Variants in EXT2 observed in about 807,000 individuals in gnomAD.
EXT2 encodes exostosin-2.
Under a neutral mutation model 81.6 loss-of-function variants are expected in EXT2, and 53 were observed. The observed-to-expected ratio is 0.65, with a 90% confidence interval of 0.52 to 0.82. The LOEUF (loss-of-function observed/expected upper bound fraction) is 0.82, where lower values mean the gene tolerates loss of function less well. EXT2 is among the 40% of genes least tolerant of loss of function. The pLI is 0.00. For missense variants in EXT2, 774 were observed against 910.2 expected, an observed-to-expected ratio of 0.85 and a Z score of 1.93; for synonymous variants, 320 against 340.0, an observed-to-expected ratio of 0.94 and a Z score of 0.65.
intron 4 of EXT2, among the ~76,000 whole-genome samples, chr11:44,117,805 G>A (rs977334439): frequency 6.6e-6 from 1 of 152,068 alleles, no homozygotes; most frequent in African/African-American, 2.4e-5. Flanking sequence ...TCACCCTGGA[G>A]TGCTGGATCG....
chr11:44,107,709 CATT>C lies in EXT2; in HGVS notation c.-1_2del, dbSNP rs762843055. The stretch of plus-strand genomic sequence containing the variant: ...AGTGTGAGGAAGAGGCTGTCTGTGT[CATT>C]ATGTGTGCGTCGGTCAAGTATAATA... On this transcript the variant is annotated 5_prime_UTR_variant, in exon 2 of 14. Coordinates refer to ENST00000533608, the MANE Select transcript of EXT2 (RefSeq NM_207122.2). The C allele has an allele frequency of 2.5e-6, 4 of 1,613,788 alleles. No individual in the cohort carries two copies.
chr11:44,200,671 A>T (rs1224623804), intron 9 of EXT2, among the ~76,000 whole-genome samples: 1 of 152,112 alleles, frequency 6.6e-6, no homozygotes, highest in African/African-American at 2.4e-5. Context: ...GACTGCGGGG[A>T]GTTGGGTCAT....
At chr11:44,169,005 A>G (rs1226001721) in intron 7 of EXT2, among the ~76,000 whole-genome samples, 1 of 152,132 alleles carries the variant, frequency 6.6e-6, no homozygotes, top group Admixed American at 6.5e-5. Context: ...GCGGATCACA[A>G]GATCAGGAGT....
intron 7 of EXT2, among the ~76,000 whole-genome samples, chr11:44,169,612 A>G (rs942285492): frequency 2.0e-5 from 3 of 152,336 alleles, no homozygotes; most frequent in East Asian, 1.9e-4. Flanking sequence ...AATCGACTAT[A>G]TTTGTAATTA....
At chr11:44,171,545 A>G (rs1234223721) in intron 7 of EXT2, 66 bp from the exon 8 acceptor site, 2 of 1,611,752 alleles carry the variant, frequency 1.2e-6, no homozygotes, top group Non-Finnish European at 1.7e-6. Context: ...GTTGACTATG[A>G]TAGAGTATCT....
Position 44,145,193 on chromosome 11 carries a change from G to A in EXT2, c.1173+15055G>A, listed in dbSNP as rs998996514. ...TTAGAAGCAAATCCAGGGAGCTGTC[G>A]ATATTAGATGACTTCAGTATAGCTT... On this transcript the variant is annotated intron_variant, in intron 7 of 13. Transcript: ENST00000533608. 5.3e-5 allele frequency among the ~76,000 whole-genome samples: 8 copies of A among 152,016 alleles called. No individual in the cohort carries two copies. In the South Asian group the frequency reaches 1.7e-3, roughly 32 times the overall value.
chr11:44,227,880 G>C (rs1176833295), intron 10 of EXT2, among the ~76,000 whole-genome samples: 3 of 152,214 alleles, frequency 2.0e-5, no homozygotes. Flanking sequence ...GTACCTGGAA[G>C]AGTGTCCAGC....
chr11:44,100,743 C>A (rs1442345432), intron 1 of EXT2, among the ~76,000 whole-genome samples: 2 of 152,166 alleles, frequency 1.3e-5, no homozygotes, highest in East Asian at 1.9e-4. Flanking sequence ...AAGCTGAATG[C>A]ACAGCCTTGA....
intron 10 of EXT2, among the ~76,000 whole-genome samples, chr11:44,217,428 C>T (rs924029868): frequency 9.2e-5 from 14 of 152,090 alleles, no homozygotes; most frequent in African/African-American, 3.1e-4. Context: ...GAAGGCAAAG[C>T]GCTTTGGGAA....
chr11:44,126,775 A>G (rs772623527), intron 5 of EXT2, 41 bp from the exon 6 acceptor site: 2 of 1,613,994 alleles, frequency 1.2e-6, no homozygotes, highest in African/African-American at 1.3e-5. Context: ...GTGGATCAGC[A>G]AAACTAGTTT....
chr11:44,195,439 A>G (rs563177773), intron 8 of EXT2, among the ~76,000 whole-genome samples: 1 of 152,218 alleles, frequency 6.6e-6, no homozygotes, highest in East Asian at 1.9e-4. Context: ...TCTCAAAAAA[A>G]AAAAGAAAAA....
At chr11:44,111,209 AT>A (rs892005135) in intron 3 of EXT2, among the ~76,000 whole-genome samples, 63 of 152,172 alleles carry the variant, frequency 4.1e-4, no homozygotes, top group African/African-American at 1.4e-3. Flanking sequence ...TGCTCAGTGA[AT>A]TTTTTTTAAT....
chr11:44,178,419 G>A (rs115285956), intron 8 of EXT2, among the ~76,000 whole-genome samples: 1,732 of 152,184 alleles, frequency 0.011, 32 homozygotes, highest in African/African-American at 0.04. Context: ...TTAACCCTGC[G>A]GGGCTTGGAT....
At chr11:44,182,310 T>G (rs1365978012) in intron 8 of EXT2, among the ~76,000 whole-genome samples, 1 of 152,090 alleles carries the variant, frequency 6.6e-6, no homozygotes, top group Non-Finnish European at 1.5e-5. Context: ...GTTTAAGGGA[T>G]CTTGAGACCA....
chr11:44,251,684 C>T lies in EXT2; in HGVS notation c.*7397C>T, dbSNP rs1956139037. On this transcript the variant is annotated 3_prime_UTR_variant, in exon 14 of 14. Coordinates refer to ENST00000533608, the MANE Select transcript of EXT2 (RefSeq NM_207122.2). ...TTTAATTTACTTCCAGAGAAAGGAC[C>T]AGAAGAAAGTAAATTTTCATTTATG... 6.6e-6 allele frequency among the ~76,000 whole-genome samples: 1 copy of T among 151,972 alleles called. No homozygotes were observed. The highest frequency in any genetic ancestry group is 6.6e-5 in the Admixed American group (1 of 15,240).
intron 7 of EXT2, among the ~76,000 whole-genome samples, chr11:44,152,343 G>GGTTGTT (rs550068887): frequency 1.3e-5 from 2 of 151,772 alleles, no homozygotes; most frequent in African/African-American, 4.8e-5. Context: ...AGTTTTATAG[G>GGTTGTT]GTTGTTGTTG....
chr11:44,195,668 G>C (rs1955447674), intron 8 of EXT2, among the ~76,000 whole-genome samples: 1 of 152,128 alleles, frequency 6.6e-6, no homozygotes. Context: ...TTGGTGATGG[G>C]TGTCCATCAG....
intron 10 of EXT2, among the ~76,000 whole-genome samples, chr11:44,223,815 T>A (rs1259123866): frequency 6.6e-6 from 1 of 152,136 alleles, no homozygotes; most frequent in Non-Finnish European, 1.5e-5. Flanking sequence ...TAGGCCCGGC[T>A]AATTTTTTTG....
intron 8 of EXT2, among the ~76,000 whole-genome samples, chr11:44,173,518 A>T (rs371706873): frequency 1.1e-3 from 150 of 139,770 alleles, no homozygotes; most frequent in African/African-American, 3.7e-3. Context: ...TAGGTCTATT[A>T]TTGATAGGTA....
Sources: gnomAD v4.1 joint callset for allele counts (sites outside exome capture counted in the v4.1 genomes callset) on GRCh38, gnomAD v4.1.1 for gene constraint, MANE v1.5 for transcripts, NCBI Gene and HGNC (gene_info 2026-07-23, HGNC 2026-07-21) for gene names.